The following TRPV2 variants were observed in gnomAD, a reference collection of about 807,000 sequenced individuals.
TRPV2 encodes transient receptor potential cation channel subfamily V member 2, also known as OTRPC2.
Under a neutral mutation model 91.0 loss-of-function variants are expected in TRPV2, and 58 were observed. That is an observed-to-expected ratio of 0.64 (90% CI 0.52 to 0.79). The LOEUF (loss-of-function observed/expected upper bound fraction) is 0.79. Ranked by LOEUF, TRPV2 falls within the 30% of genes least tolerant of loss-of-function variation. TRPV2 has a pLI of 0.00. For missense variants in TRPV2, 807 were observed against 969.6 expected (o/e 0.83, Z 2.23); for synonymous variants, 417 against 414.8 (o/e 1.01, Z -0.06).
chr17:16,418,192 G>T (rs1160633716), intron 2 of TRPV2, among the ~76,000 whole-genome samples: 2 of 152,230 alleles, frequency 1.3e-5, no homozygotes, highest in African/African-American at 4.8e-5. Context: ...CATGGTCCCT[G>T]TTGGGGAAGG....
rs1337990056 is a variant in TRPV2, at chr17:16,424,876, C to T, written c.924+1109C>T. On this transcript the variant is annotated intron_variant, in intron 5 of 14. Transcript: ENST00000338560. ...TCCATGGTTTTGCTATTGTCTAATT[C>T]CTGCTACAAGATTTTATATATATAA... Among the ~76,000 whole-genome samples, 5 of 149,218 alleles carry T rather than the reference C, an allele frequency of 3.4e-5. No individual in the cohort carries two copies. In the Admixed American group the frequency reaches 3.4e-4, roughly 10 times the overall value.
At chr17:16,434,809 T>A (rs763294214) in intron 13 of TRPV2, 81 bp from the exon 14 acceptor site, 1 of 1,374,050 alleles carries the variant, frequency 7.3e-7, no homozygotes, top group South Asian at 1.2e-5. Context: ...GTCTCCCAAT[T>A]TGGGGGGCCA....
chr17:16,427,498 C>T lies in TRPV2; in HGVS notation c.1301C>T (p.Thr434Met), dbSNP rs756514216. The T allele has an allele frequency of 3.7e-6, 6 of 1,613,738 alleles. No individual in the cohort carries two copies. Among genetic ancestry groups the T allele is most frequent in the South Asian group, 2.2e-5 (2 of 91,062 alleles). The change falls in exon 8 of 15, where the codon ACG becomes ATG. Residue 434 changes from threonine (T) to methionine (M), a missense_variant. Transcript: ENST00000338560. ...GAGGTTGGAAACTCCATGCTGCTGA[C>T]GGGCCACATCCTTATCCTGCTAGGG... is the stretch of plus-strand genomic sequence containing the variant. ...KAEVGNSMLL[T>M]GHILILLGGI...
In TRPV2 at chr17:16,435,011, G is replaced by A. The variant is rs1161708019; in HGVS notation, c.2194+42G>A. The A allele has an allele frequency of 3.9e-6, 6 of 1,550,152 alleles. No individual in the cohort carries two copies. Among genetic ancestry groups the A allele is most frequent in the East Asian group, 2.3e-5 (1 of 42,872 alleles). On this transcript the variant is annotated intron_variant, in intron 14 of 14. Transcript: ENST00000338560. This position sits in a 1 kb window ranked among gnomAD's most constrained non-coding sequence, Gnocchi z 4.2. ...CTAGAGCCTCTGCCCTGGGGTGTGT[G>A]TCTCTGCTGCTTGGCCACAAAGCCT...
At chr17:16,436,298 C>T (rs560716864) in intron 14 of TRPV2, among the ~76,000 whole-genome samples, 1 of 152,224 alleles carries the variant, frequency 6.6e-6, no homozygotes, top group African/African-American at 2.4e-5. Context: ...CCTGGAAGGC[C>T]GCACTGCTCA....
Position 16,435,508 on chromosome 17 carries a change from G to A in TRPV2, c.2194+539G>A, listed in dbSNP as rs959817204. On this transcript the variant is annotated intron_variant, in intron 14 of 14. Coordinates refer to ENST00000338560, the MANE Select transcript of TRPV2 (RefSeq NM_016113.5). This position sits in a 1 kb window ranked among gnomAD's most constrained non-coding sequence, Gnocchi z 4.2. ...CATGTCCGTGGCCTGTGTCCTCTCC[G>A]TTCCAGTGTAGTGATGGCCCCTCCT... Among the ~76,000 whole-genome samples, 11 of 151,862 alleles carry A rather than the reference G, an allele frequency of 7.2e-5. No individual in the cohort carries two copies. The highest frequency in any genetic ancestry group is 2.4e-4 in the African/African-American group (10 of 41,308).
At chr17:16,419,510 G>A (rs1005352861) in intron 2 of TRPV2, 1 of 432,232 alleles carries the variant, frequency 2.3e-6, no homozygotes, top group Non-Finnish European at 4.7e-6. Context: ...GAGATTCCCA[G>A]TTTGGCGCTG....
At chr17:16,427,396 A>C in intron 7 of TRPV2, 53 bp from the exon 8 acceptor site, 2 of 1,549,928 alleles carry the variant, frequency 1.3e-6, no homozygotes, top group African/African-American at 2.7e-5. Context: ...CTGAAGGGTG[A>C]GCTGTTCGAG....
chr17:16,427,310 C>A, intron 7 of TRPV2, 139 bp from the exon 8 acceptor site: 1 of 730,848 alleles, frequency 1.4e-6, no homozygotes, highest in Non-Finnish European at 2.2e-6. Flanking sequence ...GGGTCCTTCC[C>A]TGGAGCCCAT....
chr17:16,433,787 GC>G, intron 13 of TRPV2, 89 bp downstream of exon 13: 1 of 1,545,870 alleles, frequency 6.5e-7, no homozygotes, highest in Non-Finnish European at 8.7e-7. Context: ...GCTGCCAGGA[GC>G]CAGGTCTGGT....
intron 13 of TRPV2, 82 bp from the exon 14 acceptor site, chr17:16,434,808 T>C: frequency 7.4e-7 from 1 of 1,351,026 alleles, no homozygotes; most frequent in Non-Finnish European, 1.0e-6. Context: ...AGTCTCCCAA[T>C]TTGGGGGGCC....
chr17:16,422,759 C>A lies in TRPV2; in HGVS notation c.495C>A (p.Ser165Arg). 1 of 1,579,790 alleles carries A rather than the reference C, an allele frequency of 6.3e-7. No individual in the cohort carries two copies. The highest frequency in any genetic ancestry group is 8.6e-7 in the Non-Finnish European group (1 of 1,161,550). The part of the protein sequence containing the change: ...QCTDDYYRGH[S>R]ALHIAIEKRS... ...CAGATGACTATTACCGAGGCCACAG[C>A]GCTCTGCACATCGCCATTGAGAAGA... Residue 165 changes from serine (S) to arginine (R), a missense_variant, in exon 4 of 15, where the codon AGC becomes AGA. Ser to Arg is a moderately radical substitution (Grantham distance 110). Transcript: ENST00000338560.
Position 16,426,895 on chromosome 17 carries a change from G to T in TRPV2, c.1251+18G>T, listed in dbSNP as rs148943669. ...TGAAGAAGGCAAGGGCGTGAGGTTT[G>T]GGGGGGCACATCTTGGGGGAGGCCT... is the stretch of plus-strand genomic sequence containing the variant. On this transcript the variant is annotated intron_variant, in intron 7 of 14. Transcript: ENST00000338560. The surrounding 1 kb of genome is among the most constrained non-coding windows in gnomAD (Gnocchi z 6.0). The T allele has an allele frequency of 2.6e-5, 41 of 1,606,648 alleles. No individual in the cohort carries two copies. The highest frequency in any genetic ancestry group is 3.1e-5 in the Non-Finnish European group (37 of 1,176,608).
Position 16,432,044 on chromosome 17 carries a change from T to G in TRPV2, c.1733T>G (p.Met578Arg). The G allele has an allele frequency of 6.2e-7, 1 of 1,613,694 alleles. No homozygotes were observed. The highest frequency in any genetic ancestry group is 8.5e-7 in the Non-Finnish European group (1 of 1,179,684). ...AATGCCACAGAGTCAGTGCAGCCCA[T>G]GGAGGGACAGGAGGACGAGGGCAAC... ...GPNATESVQP[M>R]EGQEDEGNGA... The change falls in exon 12 of 15, where the codon ATG (methionine) becomes AGG (arginine). Residue 578 changes from methionine (M) to arginine (R), a missense_variant. Coordinates refer to ENST00000338560, the MANE Select transcript of TRPV2 (RefSeq NM_016113.5).
intron 4 of TRPV2, 141 bp downstream of exon 4, chr17:16,423,030 C>A: frequency 9.5e-7 from 1 of 1,054,030 alleles, no homozygotes; most frequent in Non-Finnish European, 1.3e-6. Flanking sequence ...CACTAGGCTG[C>A]CTGCAAAAGC....
In TRPV2 at chr17:16,426,314, T is replaced by C; in HGVS notation, c.1095+45T>C. The C allele has an allele frequency of 6.2e-7, 1 of 1,603,456 alleles. No individual in the cohort carries two copies. The highest frequency in any genetic ancestry group is 8.5e-7 in the Non-Finnish European group (1 of 1,173,402). On this transcript the variant is annotated intron_variant, in intron 6 of 14. Transcript: ENST00000338560. This position sits in a 1 kb window ranked among gnomAD's most constrained non-coding sequence, Gnocchi z 6.0. ...GGTGCACGCAGAGGACCCAGCAGAG[T>C]TTCCAGCAAGGTCCACAAATTGGGG...
At chr17:16,433,465 G>T in intron 12 of TRPV2, 109 bp from the exon 13 acceptor site, 1 of 1,478,234 alleles carries the variant, frequency 6.8e-7, no homozygotes, top group Non-Finnish European at 9.1e-7. Context: ...TTGACTTCGC[G>T]TTATACTGTG....
intron 1 of TRPV2, chr17:16,416,317 T>G (rs1568899511): frequency 6.4e-6 from 1 of 155,588 alleles, no homozygotes; most frequent in Non-Finnish European, 1.4e-5. Flanking sequence ...GTGCCGCTCC[T>G]CTCTGCTCTC....
At chr17:16,418,569 C>T (rs1319229714) in intron 2 of TRPV2, among the ~76,000 whole-genome samples, 7 of 152,092 alleles carry the variant, frequency 4.6e-5, no homozygotes, top group Non-Finnish European at 8.8e-5. Context: ...CCAGCTTTGG[C>T]CTCGCAGGCT....
Sources: gnomAD v4.1 joint callset for allele counts (sites outside exome capture counted in the v4.1 genomes callset) on GRCh38, gnomAD v4.1.1 for gene constraint, Gnocchi (gnomAD v3.1) non-coding constraint, MANE v1.5 for transcripts, NCBI Gene and HGNC (gene_info 2026-07-23, HGNC 2026-07-21) for gene names.